The following ZNF404 variants were observed in gnomAD, a reference collection of about 807,000 sequenced individuals.
The protein encoded by ZNF404 is zinc finger protein 404.
In ZNF404, 7 loss-of-function variants were observed where a neutral mutation model predicts 7.3. That is an observed-to-expected ratio of 0.95 (90% CI 0.54 to 1.79). The LOEUF is 1.79. ZNF404 is among the 40% of genes most tolerant of loss of function. ZNF404 has a pLI of 0.00. For missense variants in ZNF404, 560 were observed against 661.5 expected (o/e 0.85, Z 1.68); for synonymous variants, 191 against 209.9 (o/e 0.91, Z 0.78).
Position 43,873,840 on chromosome 19 carries a change from T to A in ZNF404, c.374A>T (p.Asn125Ile). The change falls in exon 3 of 3, where the codon AAC becomes ATC. Residue 125 changes from asparagine to isoleucine, a missense_variant. Asn to Ile is a moderately radical substitution (Grantham distance 149). Transcript: ENST00000587539. ...HKSLPLHKRN[N>I]TREKSYECKE... ...ACACTCATATGATTTCTCTCTTGTG[T>A]TATTTCTCTTATGTAGAGGAAGGGA... is the stretch of plus-strand genomic sequence containing the variant. The A allele has an allele frequency of 1.2e-5, 20 of 1,611,848 alleles. No individual in the cohort carries two copies. The highest frequency in any genetic ancestry group is 1.7e-5 in the Non-Finnish European group (20 of 1,179,512).
At chr19:43,881,957 C>A (rs1412457016) in intron 1 of ZNF404, among the ~76,000 whole-genome samples, 16 of 111,084 alleles carry the variant, frequency 1.4e-4, no homozygotes, top group South Asian at 3.2e-4. Flanking sequence ...AACTCTGTCT[C>A]AAAAAAAAAA....
chr19:43,873,954 C>T lies in ZNF404; in HGVS notation c.260G>A (p.Arg87Lys), dbSNP rs772347981. 3 of 1,613,022 alleles carry T rather than the reference C, an allele frequency of 1.9e-6. No homozygotes were observed. In the African/African-American group the frequency reaches 4.0e-5, roughly 22 times the overall value. Residue 87 changes from arginine to lysine, a missense_variant, in exon 3 of 3, where the codon AGA becomes AAA. Coordinates refer to ENST00000587539, the MANE Select transcript of ZNF404 (RefSeq NM_001033719.3). Reference sequence around the variant, plus strand: ...TTCAATTGTGTACTGTGGGTCAGTTCTGAAAATAAACCTCATAAGGTTGAA... The same window carrying T: ...TTCAATTGTGTACTGTGGGTCAGTTTTGAAAATAAACCTCATAAGGTTGAA... ...KTFNLMRFIF[R>K]TDPQYTIEFG...
At chr19:43,883,134 C>G (rs1181198676) in intron 1 of ZNF404, among the ~76,000 whole-genome samples, 1 of 151,858 alleles carries the variant, frequency 6.6e-6, no homozygotes, top group East Asian at 1.9e-4. Flanking sequence ...GACAAGCACC[C>G]TCTTATTAGA....
intron 1 of ZNF404, among the ~76,000 whole-genome samples, chr19:43,882,269 A>T (rs1971902249): frequency 1.3e-5 from 2 of 152,200 alleles, no homozygotes; most frequent in African/African-American, 2.4e-5. Context: ...ACCGTCTTTT[A>T]AAAAAATGGT....
At chr19:43,876,923 A>G (rs1194739480) in intron 2 of ZNF404, among the ~76,000 whole-genome samples, 2 of 152,240 alleles carry the variant, frequency 1.3e-5, no homozygotes, top group African/African-American at 4.8e-5. Flanking sequence ...AAGGCCAGAA[A>G]GGACAAGGAA....
At chr19:43,883,386 A>G (rs1200452424) in intron 1 of ZNF404, among the ~76,000 whole-genome samples, 2 of 152,084 alleles carry the variant, frequency 1.3e-5, no homozygotes, top group Non-Finnish European at 2.9e-5. Context: ...AGGACTGTCA[A>G]TTTCTCTTCC....
intron 1 of ZNF404, 102 bp downstream of exon 1, chr19:43,883,854 A>C: frequency 7.8e-7 from 1 of 1,275,850 alleles, no homozygotes; most frequent in Non-Finnish European, 1.1e-6. Context: ...GTTCCAAGAG[A>C]GAGCTTTCTG....
chr19:43,875,831 C>G (rs1971847154), intron 2 of ZNF404, among the ~76,000 whole-genome samples: 1 of 152,100 alleles, frequency 6.6e-6, no homozygotes, highest in Middle Eastern at 3.2e-3. Context: ...AGAAAGTACT[C>G]AACAACTACT....
Position 43,872,458 on chromosome 19 carries a change from A to T in ZNF404, c.*97T>A. 2.1e-6 allele frequency: 2 copies of T among 952,012 alleles called. No homozygotes were observed. Among genetic ancestry groups the T allele is most frequent in the Non-Finnish European group, 3.0e-6 (2 of 677,912 alleles). The allele number at this position is 952,012 out of a possible 1,614,324, so 59.0% of individuals were successfully genotyped here. A position where few individuals can be genotyped will look rare whatever the true frequency, so the allele number is the denominator to read the frequency against. ...ATACGATGTGCCAGATGCCTTTCCAAGTATTTATATTCTATATTAACTAGT... is the reference window on the plus strand; with the variant it reads ...ATACGATGTGCCAGATGCCTTTCCATGTATTTATATTCTATATTAACTAGT... On this transcript the variant is annotated 3_prime_UTR_variant, in exon 3 of 3. Transcript: ENST00000587539. This position sits in a 1 kb window ranked among gnomAD's most constrained non-coding sequence, Gnocchi z 4.4.
intron 1 of ZNF404, among the ~76,000 whole-genome samples, chr19:43,880,952 G>A (rs1971890318): frequency 6.6e-6 from 1 of 152,084 alleles, no homozygotes; most frequent in Non-Finnish European, 1.5e-5. Flanking sequence ...ATCAATCAAG[G>A]TAATGCACCA....
Position 43,873,889 on chromosome 19 carries a change from G to A in ZNF404, c.325C>T (p.Gln109Ter), listed in dbSNP as rs754529823. The A allele has an allele frequency of 3.1e-6, 5 of 1,612,832 alleles. No individual in the cohort carries two copies. The highest frequency in any genetic ancestry group is 3.4e-6 in the Non-Finnish European group (4 of 1,179,438). The change falls in exon 3 of 3, where the codon CAA becomes TAA. Residue 109 changes from glutamine to a stop codon, truncating the protein, a stop_gained. Coordinates refer to ENST00000587539, the MANE Select transcript of ZNF404 (RefSeq NM_001033719.3). LOFTEE classifies it low-confidence loss of function (END_TRUNC). ...QQRPKVGCFSQMIFKKHKSLP... is the reference protein window; with the variant it reads ...QQRPKVGCFS ...GATTTATGTTTTTTGAATATCATTT[G>A]ACTAAAACATCCCACTTTAGGTCTC... is the stretch of plus-strand genomic sequence containing the variant.
Position 43,872,733 on chromosome 19 carries a change from G to C in ZNF404, c.1481C>G (p.Pro494Arg), listed in dbSNP as rs993011195. The C allele has an allele frequency of 6.2e-7, 1 of 1,613,040 alleles. No individual in the cohort carries two copies. Among genetic ancestry groups the C allele is most frequent in the African/African-American group, 1.3e-5 (1 of 74,860 alleles). Residue 494 changes from proline to arginine, a missense_variant, in exon 3 of 3, where the codon CCC becomes CGC. By Grantham distance (103) the Pro-to-Arg change is moderately radical. Transcript: ENST00000587539. The surrounding 1 kb of genome is among the most constrained non-coding windows in gnomAD (Gnocchi z 4.4). ...QHKRIHTGEK[P>R]YECKECDKAF... ...CTTATCACATTCTTTACATTCATAG[G>C]GTTTTTCACCAGTATGAATTCTCTT...
At chr19:43,880,747 T>C (rs568933338) in intron 1 of ZNF404, among the ~76,000 whole-genome samples, 25 of 152,304 alleles carry the variant, frequency 1.6e-4, no homozygotes, top group Admixed American at 5.2e-4. Flanking sequence ...ATTTCTAGGC[T>C]GTGGCACAGG....
intron 1 of ZNF404, among the ~76,000 whole-genome samples, chr19:43,882,077 A>G (rs1971899762): frequency 6.6e-6 from 1 of 152,190 alleles, no homozygotes; most frequent in African/African-American, 2.4e-5. Flanking sequence ...GAAGAAGAGC[A>G]CAGTTGGAGG....
Position 43,872,564 on chromosome 19 carries a change from G to A in ZNF404, c.1650C>T (p.Leu550=). ...QHQRFHHGER[L]LM ...AAGGCTTTCCCTCTCATTACATTAAGAGTCTCTCACCATGGTGAAATCTTT... is the reference window on the plus strand; with the variant it reads ...AAGGCTTTCCCTCTCATTACATTAAAAGTCTCTCACCATGGTGAAATCTTT... The change falls in exon 3 of 3, where the codon CTC becomes CTT. Residue 550 remains leucine (L), a synonymous_variant. Transcript: ENST00000587539. This position sits in a 1 kb window ranked among gnomAD's most constrained non-coding sequence, Gnocchi z 4.4. 6.3e-7 allele frequency: 1 copy of A among 1,597,542 alleles called. No individual in the cohort carries two copies. Among genetic ancestry groups the A allele is most frequent in the Non-Finnish European group, 8.5e-7 (1 of 1,171,706 alleles).
Position 43,879,485 on chromosome 19 carries a change from T to G in ZNF404, c.136+525A>C, listed in dbSNP as rs141253239. On this transcript the variant is annotated intron_variant, in intron 2 of 2. Coordinates refer to ENST00000587539, the MANE Select transcript of ZNF404 (RefSeq NM_001033719.3). ...CAAAAACTGAACAAAGACTGCCCCT[T>G]CTGCATGGAATCTATCAGATCACTG... Among the ~76,000 whole-genome samples the G allele has an allele frequency of 4.6e-3, 705 of 152,284 alleles. 1 individual carries two copies. The highest frequency in any genetic ancestry group is 0.01 in the Middle Eastern group (3 of 294).
chr19:43,872,613 T>C lies in ZNF404; in HGVS notation c.1601A>G (p.His534Arg). Reference protein sequence around the residue: ...KCKECGKAFSHCYQLSQHQRF... With the variant: ...KCKECGKAFSRCYQLSQHQRF... The stretch of plus-strand genomic sequence containing the variant: ...TTGATGTTGACTAAGTTGATAGCAA[T>C]GACTAAAGGCCTTACCACATTCTTT... Residue 534 changes from histidine (H) to arginine (R), a missense_variant, in exon 3 of 3, where the codon CAT becomes CGT. Coordinates refer to ENST00000587539, the MANE Select transcript of ZNF404 (RefSeq NM_001033719.3). This position sits in a 1 kb window ranked among gnomAD's most constrained non-coding sequence, Gnocchi z 4.4. 3.1e-6 allele frequency: 5 copies of C among 1,611,526 alleles called. No individual in the cohort carries two copies. The highest frequency in any genetic ancestry group is 4.2e-6 in the Non-Finnish European group (5 of 1,178,730).
chr19:43,872,396 T>C lies in ZNF404; in HGVS notation c.*159A>G. 1.9e-6 allele frequency: 1 copy of C among 536,356 alleles called. No homozygotes were observed. Among genetic ancestry groups the C allele is most frequent in the Non-Finnish European group, 3.1e-6 (1 of 326,118 alleles). The allele number at this position is 536,356 out of a possible 1,614,324, so 33.2% of individuals were successfully genotyped here. Reference sequence around the variant, plus strand: ...CTATAAGATTTATTTTTAGTAATTCTAACAATTATCATAAAAATAATGTAT... The same window carrying C: ...CTATAAGATTTATTTTTAGTAATTCCAACAATTATCATAAAAATAATGTAT... On this transcript the variant is annotated 3_prime_UTR_variant, in exon 3 of 3. Transcript: ENST00000587539. The surrounding 1 kb of genome is among the most constrained non-coding windows in gnomAD (Gnocchi z 4.4).
chr19:43,879,159 A>C (rs548308194), intron 2 of ZNF404, among the ~76,000 whole-genome samples: 2 of 152,242 alleles, frequency 1.3e-5, no homozygotes, highest in Non-Finnish European at 2.9e-5. Context: ...TAATAAAAGG[A>C]AAGCAAATAA....
Sources: gnomAD v4.1 joint callset for allele counts (sites outside exome capture counted in the v4.1 genomes callset) on GRCh38, gnomAD v4.1.1 for gene constraint, Gnocchi (gnomAD v3.1) non-coding constraint, MANE v1.5 for transcripts, NCBI Gene and HGNC (gene_info 2026-07-23, HGNC 2026-07-21) for gene names.